WWOX: variants seen among roughly 807,000 people sequenced by gnomAD.
WWOX encodes WW domain-containing oxidoreductase.
In WWOX, 69 loss-of-function variants were observed where a neutral mutation model predicts 46.2. The ratio of observed to expected loss-of-function variants is 1.49; its 90% CI spans 1.23 to 1.82. The LOEUF is 1.82. WWOX is among the 40% of genes most tolerant of loss of function. WWOX has a pLI of 0.00. For synonymous variants in WWOX, 359 were observed against 202.6 expected, an observed-to-expected ratio of 1.77 and a Z score of -6.56; for missense variants, 919 against 542.6, an observed-to-expected ratio of 1.69 and a Z score of -6.89.
At chr16:78,698,514 C>T (rs1029760086) in intron 8 of WWOX, among the ~76,000 whole-genome samples, 14 of 152,226 alleles carry the variant, frequency 9.2e-5, no homozygotes, top group South Asian at 4.1e-4. Context: ...TTTTAGCAGT[C>T]GTTTTGAGGA....
chr16:79,120,026 C>A (rs1167424316), intron 8 of WWOX, among the ~76,000 whole-genome samples: 2 of 152,162 alleles, frequency 1.3e-5, no homozygotes, highest in South Asian at 4.1e-4. Context: ...AGCCCAGTGG[C>A]CGTGGCCTGG....
At chr16:78,396,285 C>G (rs1467439700) in intron 6 of WWOX, among the ~76,000 whole-genome samples, 1 of 151,992 alleles carries the variant, frequency 6.6e-6, no homozygotes, top group Non-Finnish European at 1.5e-5. Flanking sequence ...TTAGGGGTCA[C>G]TTAGCATGAC....
intron 8 of WWOX, among the ~76,000 whole-genome samples, chr16:78,808,772 G>T (rs2051108431): frequency 6.6e-6 from 1 of 151,972 alleles, no homozygotes; most frequent in Admixed American, 6.6e-5. Flanking sequence ...GTTCTAATTT[G>T]CCCAGTGTCG....
intron 5 of WWOX, among the ~76,000 whole-genome samples, chr16:78,340,559 A>G (rs537137478): frequency 8.3e-6 from 1 of 120,100 alleles, no homozygotes; most frequent in Non-Finnish European, 2.0e-5. Context: ...GTCTGTTTCT[A>G]TCTAAGTAGA....
At chr16:78,296,494 A>G (rs1275709756) in intron 5 of WWOX, among the ~76,000 whole-genome samples, 1 of 150,882 alleles carries the variant, frequency 6.6e-6, no homozygotes, top group East Asian at 1.9e-4. Context: ...GAAACCAGGA[A>G]TTCATATATA....
At chr16:79,187,717 T>G (rs1159011294) in intron 8 of WWOX, among the ~76,000 whole-genome samples, 1 of 152,178 alleles carries the variant, frequency 6.6e-6, no homozygotes, top group South Asian at 2.1e-4. Context: ...AATTTTTGTA[T>G]TTTTAGTAGA....
intron 8 of WWOX, among the ~76,000 whole-genome samples, chr16:78,685,289 C>T (rs1032994768): frequency 3.3e-5 from 5 of 152,084 alleles, no homozygotes; most frequent in Admixed American, 2.6e-4. Context: ...GTGATGAGGC[C>T]TGGGGACGTC....
At chr16:78,643,976 G>A (rs576032380) in intron 8 of WWOX, among the ~76,000 whole-genome samples, 8 of 152,002 alleles carry the variant, frequency 5.3e-5, no homozygotes, top group South Asian at 2.1e-4. Flanking sequence ...TAATCCCAGC[G>A]CTTTGGGAGG....
intron 8 of WWOX, among the ~76,000 whole-genome samples, chr16:78,642,211 A>G (rs999159644): frequency 3.9e-5 from 6 of 152,290 alleles, no homozygotes; most frequent in East Asian, 1.9e-4. Context: ...TATCCATTCT[A>G]TAGCATCCCA....
chr16:78,930,662 T>C (rs1213002280), intron 8 of WWOX, among the ~76,000 whole-genome samples: 3 of 151,866 alleles, frequency 2.0e-5, no homozygotes, highest in East Asian at 1.9e-4. Flanking sequence ...TTCCTGTTAA[T>C]TGCAGTTAAT....
intron 8 of WWOX, among the ~76,000 whole-genome samples, chr16:78,728,428 G>A (rs941399111): frequency 4.6e-5 from 7 of 152,110 alleles, no homozygotes; most frequent in Admixed American, 3.3e-4. Context: ...GAAAAGTGGC[G>A]TTGTGCTACA....
intron 8 of WWOX, among the ~76,000 whole-genome samples, chr16:78,662,746 G>A (rs1357173013): frequency 6.6e-6 from 1 of 152,194 alleles, no homozygotes; most frequent in Non-Finnish European, 1.5e-5. Context: ...GATTCGGGAA[G>A]GATCCACTTC....
At chr16:78,382,535 C>G (rs2081976425) in intron 5 of WWOX, among the ~76,000 whole-genome samples, 2 of 152,180 alleles carry the variant, frequency 1.3e-5, no homozygotes, top group South Asian at 4.1e-4. Flanking sequence ...CTGATTGATG[C>G]AGAGGATCTT....
At chr16:79,081,033 C>T (rs1012938091) in intron 8 of WWOX, among the ~76,000 whole-genome samples, 2 of 152,152 alleles carry the variant, frequency 1.3e-5, no homozygotes, top group Non-Finnish European at 2.9e-5. Context: ...TTCTTTACTT[C>T]TCACTCATAG....
At chr16:79,184,113 C>G (rs192347879) in intron 8 of WWOX, among the ~76,000 whole-genome samples, 35 of 152,192 alleles carry the variant, frequency 2.3e-4, no homozygotes, top group Non-Finnish European at 4.6e-4. Context: ...ATTGCCAGCA[C>G]AATCACTGAA....
At chr16:79,032,864 C>G (rs1046792275) in intron 8 of WWOX, among the ~76,000 whole-genome samples, 5 of 151,074 alleles carry the variant, frequency 3.3e-5, no homozygotes, top group African/African-American at 1.2e-4. Flanking sequence ...ATTTCATCAC[C>G]CAGGTATTAA....
chr16:78,779,766 T>C (rs1470768934), intron 8 of WWOX, among the ~76,000 whole-genome samples: 2 of 152,182 alleles, frequency 1.3e-5, no homozygotes, highest in Admixed American at 6.5e-5. Flanking sequence ...GGCAGCACGT[T>C]GGTGGCAGAG....
intron 8 of WWOX, among the ~76,000 whole-genome samples, chr16:79,191,027 G>A (rs745912545): frequency 1.3e-5 from 2 of 152,082 alleles, no homozygotes; most frequent in Non-Finnish European, 2.9e-5. Flanking sequence ...GATGAGCAAA[G>A]CATGACTTCT....
chr16:78,623,693 C>G (rs146328766), intron 8 of WWOX, among the ~76,000 whole-genome samples: 1 of 148,598 alleles, frequency 6.7e-6, no homozygotes. Flanking sequence ...TGAGTCATGT[C>G]ACTGCACCTC....
Sources: allele counts gnomAD v4.1 joint callset (sites outside exome capture counted in the v4.1 genomes callset), GRCh38; gene constraint gnomAD v4.1.1; transcripts MANE v1.5; gene names NCBI Gene and HGNC (gene_info 2026-07-23, HGNC 2026-07-21).